KAZN: variants seen among roughly 807,000 people sequenced by gnomAD.
KAZN encodes the protein kazrin, periplakin interacting protein, also known as kazrin.
KAZN carries 40 observed loss-of-function variants against 87.4 expected under a neutral mutation model. The ratio of observed to expected loss-of-function variants is 0.46; its 90% CI spans 0.36 to 0.60. The LOEUF (loss-of-function observed/expected upper bound fraction) is 0.60, where lower values mean the gene tolerates loss of function less well. KAZN is among the 20% of genes least tolerant of loss of function. KAZN has a pLI of 0.00. For missense variants in KAZN, 898 were observed against 1,073.9 expected, an observed-to-expected ratio of 0.84 and a Z score of 2.29; for synonymous variants, 466 against 458.3, an observed-to-expected ratio of 1.02 and a Z score of -0.22.
At chr1:13,953,493 A>T (rs1001562679) in intron 1 of KAZN, among the ~76,000 whole-genome samples, 4 of 152,142 alleles carry the variant, frequency 2.6e-5, no homozygotes, top group Non-Finnish European at 5.9e-5. Flanking sequence ...ATCCAAAATA[A>T]CGTGTTCTCA....
intron 1 of KAZN, among the ~76,000 whole-genome samples, chr1:14,723,233 T>A (rs1471871007): frequency 6.6e-6 from 1 of 152,122 alleles, no homozygotes; most frequent in East Asian, 1.9e-4. Flanking sequence ...TGCAAAGAGA[T>A]CCTAATCCTG....
intron 1 of KAZN, among the ~76,000 whole-genome samples, chr1:14,782,554 CAAAA>C (rs71572122): frequency 3.0e-5 from 2 of 66,252 alleles, no homozygotes; most frequent in African/African-American, 5.8e-5. Flanking sequence ...CCTCAAAGAG[CAAAA>C]AAAAAAAAAA....
At chr1:14,063,074 A>G (rs1642859452) in intron 1 of KAZN, among the ~76,000 whole-genome samples, 1 of 152,234 alleles carries the variant, frequency 6.6e-6, no homozygotes, top group African/African-American at 2.4e-5. Flanking sequence ...TACCAATTCC[A>G]AATTACTGAC....
intron 2 of KAZN, among the ~76,000 whole-genome samples, chr1:14,546,769 A>G (rs1290799422): frequency 1.3e-5 from 2 of 152,198 alleles, no homozygotes; most frequent in Non-Finnish European, 1.5e-5. Flanking sequence ...ACATGAACAG[A>G]TGTGAAGGAT....
chr1:14,878,948 G>C (rs903672368), intron 1 of KAZN, among the ~76,000 whole-genome samples: 1 of 152,216 alleles, frequency 6.6e-6, no homozygotes, highest in African/African-American at 2.4e-5. Flanking sequence ...CTCAGCCCTG[G>C]CTTCATGTTT....
chr1:14,922,589 C>G (rs1276955989), intron 1 of KAZN, among the ~76,000 whole-genome samples: 1 of 151,982 alleles, frequency 6.6e-6, no homozygotes, highest in Non-Finnish European at 1.5e-5. Context: ...ATCAGGAGTT[C>G]GAGACCAGCC....
At chr1:14,248,967 G>A (rs6693453) in intron 2 of KAZN, among the ~76,000 whole-genome samples, 17,859 of 152,194 alleles carry the variant, frequency 0.12, 2,306 homozygotes, top group African/African-American at 0.31. Flanking sequence ...CCATGCGTAG[G>A]TGCTCTGTTT....
chr1:14,388,870 G>A (rs894560859), intron 2 of KAZN, among the ~76,000 whole-genome samples: 2 of 152,082 alleles, frequency 1.3e-5, no homozygotes, highest in African/African-American at 4.8e-5. Context: ...AAATTAAAAG[G>A]CTTCTGCATA....
At chr1:14,827,989 A>G (rs941789801) in intron 1 of KAZN, among the ~76,000 whole-genome samples, 2 of 152,230 alleles carry the variant, frequency 1.3e-5, no homozygotes, top group Non-Finnish European at 2.9e-5. Context: ...GTTAAATAAC[A>G]TTGCTGGAAA....
intron 1 of KAZN, among the ~76,000 whole-genome samples, chr1:14,069,825 G>T (rs1370045071): frequency 1.3e-5 from 2 of 152,150 alleles, no homozygotes; most frequent in African/African-American, 4.8e-5. Context: ...GGAGAAAGCT[G>T]GGGGCCACTT....
chr1:15,028,789 C>T (rs373201166), intron 2 of KAZN, among the ~76,000 whole-genome samples: 14 of 152,150 alleles, frequency 9.2e-5, no homozygotes, highest in Non-Finnish European at 1.5e-4. Flanking sequence ...GAGCGAGGAG[C>T]GCCCGTGGAA....
chr1:13,901,040 T>C (rs12569073), intron 1 of KAZN, among the ~76,000 whole-genome samples: 37,477 of 108,020 alleles, frequency 0.35, 4,698 homozygotes, highest in African/African-American at 0.46. Flanking sequence ...TGGCTAATCA[T>C]TGAAAAAAAA....
At chr1:14,729,659 C>A (rs1643584598) in intron 1 of KAZN, among the ~76,000 whole-genome samples, 1 of 152,112 alleles carries the variant, frequency 6.6e-6, no homozygotes, top group South Asian at 2.1e-4. Context: ...GGTTCTCTGT[C>A]CTCAGGTATT....
chr1:14,425,219 C>T (rs1665655949), intron 2 of KAZN, among the ~76,000 whole-genome samples: 1 of 152,190 alleles, frequency 6.6e-6, no homozygotes, highest in Admixed American at 6.5e-5. Context: ...CAATGCCTGG[C>T]TTTAGGGTCA....
chr1:14,863,893 G>A (rs1342518668), intron 1 of KAZN, among the ~76,000 whole-genome samples: 1 of 152,210 alleles, frequency 6.6e-6, no homozygotes, highest in Non-Finnish European at 1.5e-5. Context: ...GTGTGTTCGG[G>A]AGGAGTCAGT....
At chr1:15,072,645 A>C (rs540719151) in intron 8 of KAZN, among the ~76,000 whole-genome samples, 4 of 152,112 alleles carry the variant, frequency 2.6e-5, no homozygotes, top group African/African-American at 9.7e-5. Flanking sequence ...CCTTCCAGCA[A>C]CTCTCCAAAA....
intron 2 of KAZN, among the ~76,000 whole-genome samples, chr1:14,593,188 A>G (rs1676303569): frequency 1.3e-5 from 2 of 152,248 alleles, no homozygotes; most frequent in South Asian, 4.1e-4. Context: ...TTGCAAAATT[A>G]AGATGTGACT....
At chr1:14,137,700 G>GATT (rs1557505989) in intron 1 of KAZN, among the ~76,000 whole-genome samples, 2 of 138,136 alleles carry the variant, frequency 1.4e-5, no homozygotes, top group Non-Finnish European at 3.1e-5. Flanking sequence ...CAAATATAAG[G>GATT]CTTTTTTTTT....
intron 1 of KAZN, among the ~76,000 whole-genome samples, chr1:14,067,593 G>A (rs903908200): frequency 2.6e-5 from 4 of 152,066 alleles, no homozygotes; most frequent in African/African-American, 9.7e-5. Flanking sequence ...CTCTGTAAAC[G>A]CTTGTTAAGT....
Sources: allele counts gnomAD v4.1 joint callset (sites outside exome capture counted in the v4.1 genomes callset), GRCh38; gene constraint gnomAD v4.1.1; transcripts MANE v1.5; gene names NCBI Gene and HGNC (gene_info 2026-07-23, HGNC 2026-07-21).